DMD: variants seen among roughly 807,000 people sequenced by gnomAD.
The protein encoded by DMD is mutant dystrophin.
Under a neutral mutation model 330.1 loss-of-function variants are expected in DMD, and 63 were observed. The ratio of observed to expected loss-of-function variants is 0.19; its 90% CI spans 0.16 to 0.24. The LOEUF is 0.24. Among genes scored for constraint, DMD ranks in the 10% least tolerant of loss-of-function variants. The pLI is 1.00. For synonymous variants in DMD, 1,223 were observed against 959.8 expected, an observed-to-expected ratio of 1.27 and a Z score of -5.07; for missense variants, 3,344 against 2,684.1, an observed-to-expected ratio of 1.25 and a Z score of -5.43.
chrX:32,189,855 GCACTT>G (rs2096964833), intron 44 of DMD, among the ~76,000 whole-genome samples: 11 of 110,822 alleles, frequency 9.9e-5, no homozygotes, highest in Non-Finnish European at 1.7e-4. Context: ...TGGTCCCATA[GCACTT>G]ATCATACTGT....
At chrX:32,664,381 A>G (rs1046807326) in intron 9 of DMD, among the ~76,000 whole-genome samples, 1 of 109,021 alleles carries the variant, frequency 9.2e-6, no homozygotes, top group Non-Finnish European at 1.9e-5. Flanking sequence ...AGCTGGGACT[A>G]CAGGCACCTG....
intron 1 of DMD, among the ~76,000 whole-genome samples, chrX:33,146,786 C>G (rs1040212852): frequency 9.0e-6 from 1 of 111,414 alleles, no homozygotes; most frequent in African/African-American, 3.3e-5. Context: ...GGTGAGGGCA[C>G]TGCAGAGTTA....
intron 60 of DMD, among the ~76,000 whole-genome samples, chrX:31,396,282 C>A (rs949505020): frequency 9.1e-6 from 1 of 110,067 alleles, no homozygotes. Flanking sequence ...GGACTACAGG[C>A]GCCCGCAACC....
chrX:32,455,838 T>C lies in DMD; in HGVS notation c.3433-1006A>G, dbSNP rs144504502. 4.0e-3 allele frequency among the ~76,000 whole-genome samples: 446 copies of C among 111,510 alleles called. 4 individuals carry two copies. The highest frequency in any genetic ancestry group is 0.014 in the African/African-American group (433 of 30,841). On this transcript the variant is annotated intron_variant, in intron 25 of 78. Coordinates refer to ENST00000357033, the MANE Select transcript of DMD (RefSeq NM_004006.3). Reference sequence around the variant, plus strand: ...TTGCAAAAGAGTCTGTCTGTGGTTATAGAAAACATCTGCTATTTAAAGCCT... The same window carrying C: ...TTGCAAAAGAGTCTGTCTGTGGTTACAGAAAACATCTGCTATTTAAAGCCT...
intron 44 of DMD, among the ~76,000 whole-genome samples, chrX:32,132,692 A>C (rs1157878376): frequency 9.1e-6 from 1 of 110,441 alleles, no homozygotes; most frequent in East Asian, 2.8e-4. Flanking sequence ...CCTGCGCTGG[A>C]GATTTGGCTT....
intron 2 of DMD, among the ~76,000 whole-genome samples, chrX:32,893,392 ATTTC>A (rs961823949): frequency 9.0e-6 from 1 of 111,642 alleles, no homozygotes; most frequent in African/African-American, 3.3e-5. Context: ...CATGTCTTCC[ATTTC>A]TTTCCTTAAA....
chrX:31,694,081 A>T (rs777360939), intron 52 of DMD, among the ~76,000 whole-genome samples: 12 of 111,464 alleles, frequency 1.1e-4, no homozygotes, highest in Non-Finnish European at 2.1e-4. Context: ...GAATAAGACA[A>T]AGAGGACTAA....
At chrX:31,229,961 T>C (rs1190912453) in intron 63 of DMD, among the ~76,000 whole-genome samples, 1 of 112,239 alleles carries the variant, frequency 8.9e-6, no homozygotes, top group African/African-American at 3.2e-5. Context: ...AAATCCAGTC[T>C]GTCTTGAAAG....
chrX:32,897,094 C>A (rs1032406561), intron 2 of DMD, among the ~76,000 whole-genome samples: 1 of 80,526 alleles, frequency 1.2e-5, no homozygotes, highest in Non-Finnish European at 2.5e-5. Flanking sequence ...GCATTTTATG[C>A]GTTTTTTTTA....
chrX:32,805,313 G>A (rs923740777), intron 7 of DMD, among the ~76,000 whole-genome samples: 9 of 111,594 alleles, frequency 8.1e-5, no homozygotes, highest in African/African-American at 2.9e-4. Flanking sequence ...ACTTCATGAA[G>A]CATACACAAG....
intron 7 of DMD, among the ~76,000 whole-genome samples, chrX:32,759,765 C>T (rs1237751987): frequency 9.7e-6 from 1 of 102,568 alleles, no homozygotes; most frequent in East Asian, 3.1e-4. Flanking sequence ...GCTACAACTA[C>T]AGACGAGATA....
intron 41 of DMD, among the ~76,000 whole-genome samples, chrX:32,335,531 A>T (rs2097702388): frequency 9.7e-6 from 1 of 102,886 alleles, no homozygotes; most frequent in South Asian, 4.0e-4. Flanking sequence ...GTTATATATA[A>T]AACATGTTAT....
intron 74 of DMD, among the ~76,000 whole-genome samples, chrX:31,161,573 T>A: frequency 9.0e-6 from 1 of 111,062 alleles, no homozygotes; most frequent in Admixed American, 9.6e-5. Context: ...GTTCCCAAAT[T>A]AAAACTTTCC....
At chrX:32,983,398 T>C (rs1274436486) in intron 2 of DMD, among the ~76,000 whole-genome samples, 2 of 110,676 alleles carry the variant, frequency 1.8e-5, no homozygotes, top group African/African-American at 6.6e-5. Flanking sequence ...TTCTTTTCTT[T>C]TGTTTTCTGC....
chrX:32,099,876 A>G (rs6653861), intron 44 of DMD, among the ~76,000 whole-genome samples: 13,161 of 107,969 alleles, frequency 0.12, 1,930 homozygotes, highest in African/African-American at 0.4. Context: ...CATGTACCCT[A>G]AAACTTAAAG....
chrX:31,464,609 C>G (rs1208118698), intron 59 of DMD, among the ~76,000 whole-genome samples: 1 of 112,341 alleles, frequency 8.9e-6, no homozygotes, highest in African/African-American at 3.2e-5. Context: ...TTGTTTGGTT[C>G]CAATGTATAC....
At chrX:32,023,204 T>C (rs2095820338) in intron 44 of DMD, among the ~76,000 whole-genome samples, 1 of 111,782 alleles carries the variant, frequency 8.9e-6, no homozygotes, top group Admixed American at 9.5e-5. Context: ...ACATCAGTTT[T>C]CTCAATTACT....
chrX:32,160,497 A>C (rs1262227350), intron 44 of DMD, among the ~76,000 whole-genome samples: 2 of 110,310 alleles, frequency 1.8e-5, no homozygotes, highest in Non-Finnish European at 3.8e-5. Flanking sequence ...AGCATCCCAA[A>C]GTGCTGAGAT....
chrX:31,749,441 A>C (rs1479516000), intron 51 of DMD, among the ~76,000 whole-genome samples: 1 of 102,752 alleles, frequency 9.7e-6, no homozygotes, highest in African/African-American at 3.5e-5. Flanking sequence ...ATGATTTCCA[A>C]TTTCATCCAT....
Sources: gnomAD v4.1 joint callset for allele counts (sites outside exome capture counted in the v4.1 genomes callset) on GRCh38, gnomAD v4.1.1 for gene constraint, MANE v1.5 for transcripts, NCBI Gene and HGNC (gene_info 2026-07-23, HGNC 2026-07-21) for gene names.